The following PRKCE variants were observed in gnomAD, a reference collection of about 807,000 sequenced individuals.
The protein encoded by PRKCE is protein kinase C epsilon.
In PRKCE, 16 loss-of-function variants were observed where a neutral mutation model predicts 85.4. The ratio of observed to expected loss-of-function variants is 0.19; its 90% CI spans 0.13 to 0.28. The LOEUF is 0.28. Among genes scored for constraint, PRKCE ranks in the 10% least tolerant of loss-of-function variants. The pLI, the probability that PRKCE is intolerant of heterozygous loss-of-function variation, is 1.00. For missense variants in PRKCE, 573 were observed against 975.2 expected (o/e 0.59, Z 5.49); for synonymous variants, 388 against 371.5 (o/e 1.04, Z -0.51).
intron 6 of PRKCE, among the ~76,000 whole-genome samples, chr2:45,999,328 C>T (rs913817778): frequency 6.6e-6 from 1 of 152,046 alleles, no homozygotes; most frequent in Non-Finnish European, 1.5e-5. Flanking sequence ...TTCTCCTTCA[C>T]TTTTGAAGGA....
intron 2 of PRKCE, among the ~76,000 whole-genome samples, chr2:45,934,687 A>G (rs75801487): frequency 0.022 from 3,383 of 152,150 alleles, 48 homozygotes; most frequent in South Asian, 0.055. Context: ...TGTGAGAAAA[A>G]TAATAAAGCT....
At chr2:46,082,562 C>T (rs1423869302) in intron 10 of PRKCE, among the ~76,000 whole-genome samples, 1 of 152,132 alleles carries the variant, frequency 6.6e-6, no homozygotes, top group Non-Finnish European at 1.5e-5. Context: ...GCTTGTGAGT[C>T]ATCTGCATAG....
intron 1 of PRKCE, among the ~76,000 whole-genome samples, chr2:45,804,288 G>T (rs1430311331): frequency 1.3e-5 from 2 of 152,192 alleles, no homozygotes; most frequent in African/African-American, 4.8e-5. Flanking sequence ...AAATGGAATG[G>T]GTTTCAACCC....
intron 11 of PRKCE, among the ~76,000 whole-genome samples, chr2:46,102,933 C>A (rs1671375073): frequency 6.6e-6 from 1 of 152,154 alleles, no homozygotes; most frequent in African/African-American, 2.4e-5. Context: ...TTTCCATGCC[C>A]TTTTCCATAC....
chr2:45,758,723 G>C (rs1684204714), intron 1 of PRKCE, among the ~76,000 whole-genome samples: 1 of 152,154 alleles, frequency 6.6e-6, no homozygotes, highest in Non-Finnish European at 1.5e-5. Context: ...TAAGAATATG[G>C]ACTTTGTTTT....
intron 2 of PRKCE, among the ~76,000 whole-genome samples, chr2:45,968,923 A>T (rs1437503706): frequency 1.3e-5 from 2 of 152,016 alleles, no homozygotes; most frequent in Non-Finnish European, 2.9e-5. Flanking sequence ...TCTCACCCCC[A>T]AAGAAAACGG....
Position 45,691,048 on chromosome 2 carries a change from T to C in PRKCE, c.348+38600T>C, listed in dbSNP as rs534483971. On this transcript the variant is annotated intron_variant, in intron 1 of 14. Transcript: ENST00000306156. ...AACTTCGCTGGATTTCTTTCTCTTATGGCTTAGGATTAGATTTATTTAAAA... is the reference window on the plus strand; with the variant it reads ...AACTTCGCTGGATTTCTTTCTCTTACGGCTTAGGATTAGATTTATTTAAAA... Among the ~76,000 whole-genome samples the C allele has an allele frequency of 4.3e-4, 66 of 152,370 alleles. No individual in the cohort carries two copies. The South Asian group carries it at 6.0e-3, about 14-fold the overall frequency.
At chr2:45,904,087 A>G (rs1696791607) in intron 2 of PRKCE, among the ~76,000 whole-genome samples, 1 of 151,952 alleles carries the variant, frequency 6.6e-6, no homozygotes, top group African/African-American at 2.4e-5. Context: ...TATTTTTAGT[A>G]GAGACAGGGT....
intron 1 of PRKCE, among the ~76,000 whole-genome samples, chr2:45,710,704 C>A (rs996578357): frequency 6.6e-6 from 1 of 152,212 alleles, no homozygotes; most frequent in African/African-American, 2.4e-5. Flanking sequence ...CAGGGATTTA[C>A]GGCTGTTACT....
intron 1 of PRKCE, among the ~76,000 whole-genome samples, chr2:45,679,921 C>T (rs951578395): frequency 6.6e-6 from 1 of 152,216 alleles, no homozygotes; most frequent in African/African-American, 2.4e-5. Flanking sequence ...AGAAGTCTCT[C>T]TTCTAAACCT....
intron 1 of PRKCE, among the ~76,000 whole-genome samples, chr2:45,796,707 C>G (rs1687466421): frequency 1.3e-5 from 2 of 152,182 alleles, no homozygotes; most frequent in Non-Finnish European, 2.9e-5. Flanking sequence ...AGCCATCATT[C>G]TTAGCTATTG....
intron 2 of PRKCE, among the ~76,000 whole-genome samples, chr2:45,922,480 C>A (rs1308530290): frequency 6.6e-6 from 1 of 152,178 alleles, no homozygotes; most frequent in Non-Finnish European, 1.5e-5. Flanking sequence ...AGGGGGTCAA[C>A]TGCCCTCCCT....
intron 1 of PRKCE, among the ~76,000 whole-genome samples, chr2:45,690,501 C>T (rs973497069): frequency 3.3e-5 from 5 of 152,124 alleles, no homozygotes; most frequent in Non-Finnish European, 5.9e-5. Context: ...CAATTTTACC[C>T]GTGTGAGAAT....
chr2:45,967,244 A>T (rs550887710), intron 2 of PRKCE, among the ~76,000 whole-genome samples: 13 of 152,324 alleles, frequency 8.5e-5, no homozygotes, highest in African/African-American at 2.9e-4. Context: ...CCATGGTCAT[A>T]GGAGGAGAAA....
chr2:45,966,574 A>G (rs1480760408), intron 2 of PRKCE, among the ~76,000 whole-genome samples: 1 of 152,188 alleles, frequency 6.6e-6, no homozygotes, highest in East Asian at 1.9e-4. Context: ...TGAAGACTAT[A>G]ATCACTCTTT....
In PRKCE at chr2:45,774,442, G is replaced by A. The variant is rs894203906; in HGVS notation, c.349-68558G>A. The stretch of plus-strand genomic sequence containing the variant: ...GTACAGGCAAACTCAGCATCAGCAC[G>A]GCTTTAGAGACCGAGTGCCCGCTTT... On this transcript the variant is annotated intron_variant, in intron 1 of 14. Transcript: ENST00000306156. The surrounding 1 kb of genome is among the most constrained non-coding windows in gnomAD (Gnocchi z 4.3). Among the ~76,000 whole-genome samples, 5 of 152,294 alleles carry A rather than the reference G, an allele frequency of 3.3e-5. No individual in the cohort carries two copies. Among genetic ancestry groups the A allele is most frequent in the East Asian group, 1.9e-4 (1 of 5,176 alleles).
At chr2:45,832,505 G>T (rs2105407084) in intron 1 of PRKCE, among the ~76,000 whole-genome samples, 1 of 152,176 alleles carries the variant, frequency 6.6e-6, no homozygotes, top group South Asian at 2.1e-4. Flanking sequence ...TAGAGATGGG[G>T]TTTCGCCATA....
chr2:45,991,545 A>G (rs1351395918), intron 6 of PRKCE, among the ~76,000 whole-genome samples: 2 of 152,218 alleles, frequency 1.3e-5, no homozygotes, highest in Non-Finnish European at 2.9e-5. Context: ...TACTAGAAAG[A>G]GTCCACATTG....
At chr2:45,694,419 A>G (rs1365209782) in intron 1 of PRKCE, among the ~76,000 whole-genome samples, 1 of 152,166 alleles carries the variant, frequency 6.6e-6, no homozygotes, top group Non-Finnish European at 1.5e-5. Context: ...ATATGACTTC[A>G]ACCCCATGCC....
Sources: allele counts gnomAD v4.1 joint callset (sites outside exome capture counted in the v4.1 genomes callset), GRCh38; gene constraint gnomAD v4.1.1; non-coding constraint Gnocchi (gnomAD v3.1); transcripts MANE v1.5; gene names NCBI Gene and HGNC (gene_info 2026-07-23, HGNC 2026-07-21).